Variants in SPOPL observed in about 807,000 individuals in gnomAD.
SPOPL encodes the protein speckle type BTB/POZ protein like.
A neutral mutation model predicts 53.8 loss-of-function variants in SPOPL; 23 were observed. That is an observed-to-expected ratio of 0.43 (90% CI 0.31 to 0.61). The LOEUF (loss-of-function observed/expected upper bound fraction) is 0.61, where lower values mean the gene tolerates loss of function less well. Ranked by LOEUF, SPOPL falls within the 20% of genes least tolerant of loss-of-function variation. SPOPL has a pLI of 0.12. For missense variants in SPOPL, 442 were observed against 466.9 expected (o/e 0.95, Z 0.49); for synonymous variants, 164 against 149.7 (o/e 1.10, Z -0.70).
At chr2:138,532,964 T>A (rs574466905) in intron 1 of SPOPL, among the ~76,000 whole-genome samples, 2 of 152,190 alleles carry the variant, frequency 1.3e-5, no homozygotes, top group Non-Finnish European at 2.9e-5. Context: ...CATGGTAGCC[T>A]CTAAGTACTT....
intron 1 of SPOPL, among the ~76,000 whole-genome samples, chr2:138,539,325 A>G (rs1054340893): frequency 6.6e-6 from 1 of 152,344 alleles, no homozygotes; most frequent in African/African-American, 2.4e-5. Flanking sequence ...GAATCGCCAC[A>G]CTGACTTCCA....
chr2:138,543,666 T>G (rs1291929554), intron 1 of SPOPL, among the ~76,000 whole-genome samples: 1 of 152,166 alleles, frequency 6.6e-6, no homozygotes, highest in Non-Finnish European at 1.5e-5. Flanking sequence ...TTAACTTCTT[T>G]GCCATGGGTT....
chr2:138,505,713 T>C (rs948142266), intron 1 of SPOPL, among the ~76,000 whole-genome samples: 2 of 151,668 alleles, frequency 1.3e-5, no homozygotes, highest in African/African-American at 4.8e-5. Flanking sequence ...AGACAGAGCT[T>C]GCAGTGAGCT....
chr2:138,511,239 G>T (rs1212343233), intron 1 of SPOPL, among the ~76,000 whole-genome samples: 2 of 152,092 alleles, frequency 1.3e-5, no homozygotes, highest in Admixed American at 1.3e-4. Context: ...TCAAGTGTCT[G>T]ATTTATTTTT....
intron 1 of SPOPL, among the ~76,000 whole-genome samples, chr2:138,521,071 A>G (rs1317913622): frequency 6.6e-6 from 1 of 152,336 alleles, no homozygotes. Context: ...GAGATCCAGA[A>G]TATCTTTAAT....
chr2:138,547,986 C>T (rs1685234656), intron 1 of SPOPL, among the ~76,000 whole-genome samples: 1 of 152,002 alleles, frequency 6.6e-6, no homozygotes, highest in Non-Finnish European at 1.5e-5. Flanking sequence ...ATATACTGTG[C>T]TCAGAATTAT....
intron 1 of SPOPL, among the ~76,000 whole-genome samples, chr2:138,508,454 C>G (rs1305294447): frequency 2.0e-5 from 3 of 152,126 alleles, no homozygotes; most frequent in Non-Finnish European, 4.4e-5. Flanking sequence ...GCCTCAGCCT[C>G]CTGAGTAGCT....
chr2:138,514,066 T>A (rs147628871), intron 1 of SPOPL, among the ~76,000 whole-genome samples: 1 of 152,326 alleles, frequency 6.6e-6, no homozygotes, highest in East Asian at 1.9e-4. Flanking sequence ...ACCTTAAACA[T>A]ACATATATGG....
At chr2:138,512,811 G>A (rs1215924918) in intron 1 of SPOPL, among the ~76,000 whole-genome samples, 1 of 152,092 alleles carries the variant, frequency 6.6e-6, no homozygotes, top group Non-Finnish European at 1.5e-5. Context: ...TTAAATACCA[G>A]GTCCTGTATT....
chr2:138,562,375 A>G (rs1044663574), intron 8 of SPOPL, among the ~76,000 whole-genome samples: 16 of 152,210 alleles, frequency 1.1e-4, no homozygotes, highest in African/African-American at 3.4e-4. Flanking sequence ...CCATCACATT[A>G]TGAATATTTA....
At chr2:138,566,004 G>A (rs186305047) in intron 10 of SPOPL, among the ~76,000 whole-genome samples, 1 of 152,152 alleles carries the variant, frequency 6.6e-6, no homozygotes, top group Non-Finnish European at 1.5e-5. Context: ...AAAGTGCTGG[G>A]ATTACAGAAG....
intron 1 of SPOPL, among the ~76,000 whole-genome samples, chr2:138,516,054 CAAAAA>C (rs369306418): frequency 1.3e-5 from 2 of 151,528 alleles, no homozygotes; most frequent in Non-Finnish European, 2.9e-5. Flanking sequence ...AGCTAAAAAA[CAAAAA>C]AAACAGAAGT....
In SPOPL at chr2:138,552,580, C is replaced by G. The variant is rs2104893719; in HGVS notation, c.379C>G (p.Gln127Glu). 6.2e-7 allele frequency: 1 copy of G among 1,612,550 alleles called. No homozygotes were observed. The highest frequency in any genetic ancestry group is 1.7e-4 in the Middle Eastern group (1 of 6,044). The change falls in exon 5 of 11, where the codon CAA becomes GAA. Residue 127 changes from glutamine (Q) to glutamate (E), a missense_variant. Transcript: ENST00000280098. ...MESQRAYRFV[Q>E]GKDWGFKKFI... The stretch of plus-strand genomic sequence containing the variant: ...AAGCCAAAGAGCATATCGATTTGTG[C>G]AAGGGAAGGACTGGGGTTTTAAAAA...
chr2:138,516,452 A>C (rs1684439579), intron 1 of SPOPL, among the ~76,000 whole-genome samples: 1 of 152,210 alleles, frequency 6.6e-6, no homozygotes, highest in South Asian at 2.1e-4. Context: ...AGAGTTGGTC[A>C]AGCTATTCTA....
chr2:138,542,948 C>G (rs907577210), intron 1 of SPOPL, among the ~76,000 whole-genome samples: 2 of 152,212 alleles, frequency 1.3e-5, no homozygotes, highest in Non-Finnish European at 2.9e-5. Context: ...CAGAATCTCT[C>G]AGCATTTGCT....
intron 3 of SPOPL, 51 bp downstream of exon 3, chr2:138,550,655 A>G (rs781537595): frequency 1.3e-6 from 2 of 1,562,514 alleles, no homozygotes; most frequent in Non-Finnish European, 1.7e-6. Flanking sequence ...TGATGTGATC[A>G]TCAGCTGCTC....
chr2:138,505,833 C>A (rs1021814418), intron 1 of SPOPL, among the ~76,000 whole-genome samples: 6 of 151,984 alleles, frequency 3.9e-5, no homozygotes, highest in Non-Finnish European at 7.4e-5. Context: ...TTGTGAAGAA[C>A]AAAGGCACAC....
chr2:138,523,892 C>T (rs1243251959), intron 1 of SPOPL, among the ~76,000 whole-genome samples: 11 of 152,120 alleles, frequency 7.2e-5, no homozygotes, highest in South Asian at 6.2e-4. Flanking sequence ...TCCAGGCGCA[C>T]GGTACAAACT....
chr2:138,561,314 A>G (rs1171955227), intron 8 of SPOPL, among the ~76,000 whole-genome samples: 1 of 152,178 alleles, frequency 6.6e-6, no homozygotes, highest in Non-Finnish European at 1.5e-5. Flanking sequence ...AATTCTCTCC[A>G]CATAGAGATT....
Sources: gnomAD v4.1 joint callset for allele counts (sites outside exome capture counted in the v4.1 genomes callset) on GRCh38, gnomAD v4.1.1 for gene constraint, MANE v1.5 for transcripts, NCBI Gene and HGNC (gene_info 2026-07-23, HGNC 2026-07-21) for gene names.